The following F13A1 variants were observed in gnomAD, a reference collection of about 807,000 sequenced individuals.
F13A1 encodes the protein coagulation factor XIII A chain, also known as FSF, A subunit.
Under a neutral mutation model 80.1 loss-of-function variants are expected in F13A1, and 47 were observed. The observed-to-expected ratio is 0.59, with a 90% CI of 0.46 to 0.75. F13A1 has a LOEUF of 0.75. Ranked by LOEUF, F13A1 falls within the 30% of genes least tolerant of loss-of-function variation. The pLI is 0.00. For missense variants in F13A1, 817 were observed against 930.4 expected (o/e 0.88, Z 1.59); for synonymous variants, 349 against 344.9 (o/e 1.01, Z -0.13).
intron 13 of F13A1, among the ~76,000 whole-genome samples, chr6:6,155,458 G>A (rs900002780): frequency 1.3e-5 from 2 of 152,222 alleles, no homozygotes; most frequent in Admixed American, 1.3e-4. Flanking sequence ...GGAGAAGGAT[G>A]GGGAGGGGTG....
At chr6:6,193,544 G>C (rs1761238610) in intron 10 of F13A1, among the ~76,000 whole-genome samples, 1 of 152,186 alleles carries the variant, frequency 6.6e-6, no homozygotes, top group Admixed American at 6.5e-5. Flanking sequence ...AGCCCCTGGA[G>C]CGCAGCCCAT....
chr6:6,187,934 T>G (rs1761109950), intron 10 of F13A1, among the ~76,000 whole-genome samples: 1 of 148,454 alleles, frequency 6.7e-6, no homozygotes, highest in African/African-American at 2.5e-5. Flanking sequence ...ATTCAACTTC[T>G]TCCTGGTTTA....
At chr6:6,204,947 T>C (rs1191741357) in intron 8 of F13A1, among the ~76,000 whole-genome samples, 1 of 152,218 alleles carries the variant, frequency 6.6e-6, no homozygotes, top group East Asian at 1.9e-4. Context: ...CTGTCCTCTC[T>C]GAGGCTCAGC....
intron 6 of F13A1, among the ~76,000 whole-genome samples, chr6:6,231,617 C>T (rs911369378): frequency 1.3e-5 from 2 of 152,150 alleles, no homozygotes; most frequent in Non-Finnish European, 2.9e-5. Flanking sequence ...TGCCTAGGCA[C>T]ATTGTCATTA....
intron 2 of F13A1, among the ~76,000 whole-genome samples, chr6:6,311,806 T>C (rs7741070): frequency 0.73 from 105,869 of 144,824 alleles, 39,150 homozygotes; most frequent in East Asian, 0.86. Context: ...ATATTATATA[T>C]TGTTTATATA....
chr6:6,211,303 A>G (rs372434572), intron 8 of F13A1, among the ~76,000 whole-genome samples: 24 of 152,358 alleles, frequency 1.6e-4, no homozygotes, highest in East Asian at 1.4e-3. Flanking sequence ...GTGTGCCTTC[A>G]GTGTATATTC....
chr6:6,299,758 C>T (rs1355709645), intron 3 of F13A1, among the ~76,000 whole-genome samples: 8 of 147,714 alleles, frequency 5.4e-5, no homozygotes, highest in Admixed American at 5.3e-4. Context: ...TCGTCAAAGT[C>T]ATTCTCCATC....
chr6:6,261,134 A>G (rs976575327), intron 4 of F13A1, among the ~76,000 whole-genome samples: 3 of 151,596 alleles, frequency 2.0e-5, no homozygotes, highest in African/African-American at 7.3e-5. Context: ...ATGCCCAGCT[A>G]ATTTTTGTAT....
intron 8 of F13A1, among the ~76,000 whole-genome samples, chr6:6,210,338 T>TATATATATATAC (rs1196774753): frequency 1.5e-5 from 2 of 131,482 alleles, no homozygotes; most frequent in African/African-American, 5.9e-5. Context: ...TATATATATA[T>TATATATATATAC]ATATATATAT....
At chr6:6,179,626 T>C (rs148259550) in intron 11 of F13A1, among the ~76,000 whole-genome samples, 4 of 152,324 alleles carry the variant, frequency 2.6e-5, no homozygotes, top group Admixed American at 1.3e-4. Flanking sequence ...AACATTCTAC[T>C]TGGTCACTTC....
In F13A1 at chr6:6,305,203, G is replaced by A. The variant is rs933302227; in HGVS notation, c.319+148C>T. 6 of 886,122 alleles carry A rather than the reference G, an allele frequency of 6.8e-6. No homozygotes were observed. In the African/African-American group the frequency reaches 9.9e-5, roughly 15 times the overall value. 54.9% of individuals were successfully genotyped at this position (886,122 alleles called of 1,614,324 possible). ...TGGCACTATACAGACCAGTCTTAGAGCACAGGGTAATTCAGGGGCTGGATG... is the reference window on the plus strand; with the variant it reads ...TGGCACTATACAGACCAGTCTTAGAACACAGGGTAATTCAGGGGCTGGATG... On this transcript the variant is annotated intron_variant, in intron 3 of 14. Transcript: ENST00000264870.
At chr6:6,263,213 C>G (rs12333289) in intron 4 of F13A1, among the ~76,000 whole-genome samples, 1 of 152,070 alleles carries the variant, frequency 6.6e-6, no homozygotes, top group African/African-American at 2.4e-5. Flanking sequence ...TGCCATCTCC[C>G]GCCGTCTCTA....
chr6:6,149,273 C>T (rs1328347344), intron 14 of F13A1, among the ~76,000 whole-genome samples: 2 of 152,144 alleles, frequency 1.3e-5, no homozygotes, highest in South Asian at 2.1e-4. Flanking sequence ...CTAAATACTC[C>T]GATTTGATCA....
chr6:6,291,535 T>C (rs532030974), intron 3 of F13A1, among the ~76,000 whole-genome samples: 25 of 152,236 alleles, frequency 1.6e-4, no homozygotes, highest in African/African-American at 5.8e-4. Context: ...TCTACCCGAG[T>C]TCAACCAGTG....
At chr6:6,157,936 G>A (rs1253538921) in intron 13 of F13A1, among the ~76,000 whole-genome samples, 2 of 152,170 alleles carry the variant, frequency 1.3e-5, no homozygotes, top group Non-Finnish European at 2.9e-5. Flanking sequence ...TAGCTGTCCT[G>A]AAGAGAGAGA....
chr6:6,277,698 G>A (rs1341626407), intron 3 of F13A1, among the ~76,000 whole-genome samples: 3 of 152,194 alleles, frequency 2.0e-5, no homozygotes, highest in African/African-American at 7.2e-5. Flanking sequence ...ACGATTTACC[G>A]AAGCTGCACA....
chr6:6,192,634 T>C (rs1404166597), intron 10 of F13A1, among the ~76,000 whole-genome samples: 1 of 152,160 alleles, frequency 6.6e-6, no homozygotes, highest in Non-Finnish European at 1.5e-5. Context: ...GAATTGAGAA[T>C]GAATAATCTA....
Position 6,186,885 on chromosome 6 carries a change from C to A in F13A1, c.1306-4744G>T, listed in dbSNP as rs564314781. 5.8e-4 allele frequency among the ~76,000 whole-genome samples: 85 copies of A among 147,116 alleles called. 2 individuals are homozygous for A. In the East Asian group the frequency reaches 0.014, roughly 25 times the overall value. On this transcript the variant is annotated intron_variant, in intron 10 of 14. Coordinates refer to ENST00000264870, the MANE Select transcript of F13A1 (RefSeq NM_000129.4). ...GGAATATTCTTCCATTTGTTTGTAT[C>A]CTCTTTTATTTCCTTGAGCAGTGGT...
chr6:6,289,924 C>T (rs917072446), intron 3 of F13A1, among the ~76,000 whole-genome samples: 1 of 151,942 alleles, frequency 6.6e-6, no homozygotes, highest in Admixed American at 6.6e-5. Context: ...TTCAACTATT[C>T]TTGCCATCAG....
Sources: gnomAD v4.1 joint callset for allele counts (sites outside exome capture counted in the v4.1 genomes callset) on GRCh38, gnomAD v4.1.1 for gene constraint, MANE v1.5 for transcripts, NCBI Gene and HGNC (gene_info 2026-07-23, HGNC 2026-07-21) for gene names.